The following WWOX variants were observed in gnomAD, a reference collection of about 807,000 sequenced individuals.
The protein encoded by WWOX is WW domain containing oxidoreductase.
Under a neutral mutation model 46.2 loss-of-function variants are expected in WWOX, and 69 were observed. The observed-to-expected ratio is 1.49, with a 90% confidence interval of 1.23 to 1.82. The LOEUF is 1.82. WWOX is among the 40% of genes most tolerant of loss of function. The pLI is 0.00. For synonymous variants in WWOX, 359 were observed against 202.6 expected (o/e 1.77, Z -6.56); for missense variants, 919 against 542.6 (o/e 1.69, Z -6.89).
chr16:78,147,534 C>A (rs1567598246), intron 4 of WWOX, among the ~76,000 whole-genome samples: 1 of 152,102 alleles, frequency 6.6e-6, no homozygotes, highest in Non-Finnish European at 1.5e-5. Flanking sequence ...TGAATTTTCC[C>A]AACATTGTGT....
At chr16:78,112,129 A>C (rs2032527131) in intron 3 of WWOX, 2 of 152,174 alleles carry the variant, frequency 1.3e-5, no homozygotes, top group African/African-American at 4.8e-5. Context: ...CGGGGAGAAC[A>C]CCCGCTAAGC....
At chr16:78,585,792 C>G (rs1344013551) in intron 8 of WWOX, among the ~76,000 whole-genome samples, 2 of 151,314 alleles carry the variant, frequency 1.3e-5, no homozygotes, top group Non-Finnish European at 2.9e-5. Context: ...GGGGCAGATT[C>G]CCGTATCATG....
chr16:78,530,088 G>A lies in WWOX; in HGVS notation c.1056+97336G>A, dbSNP rs376044500. ...ACCCCTTCTGGGAGGAAGCATGCAG[G>A]TGAGCAGGTGCAGGAGCCAGGGTAA... On this transcript the variant is annotated intron_variant, in intron 8 of 8. Transcript: ENST00000566780. 2.4e-4 allele frequency among the ~76,000 whole-genome samples: 37 copies of A among 152,290 alleles called. 1 individual carries two copies. Among genetic ancestry groups the A allele is most frequent in the African/African-American group, 1.7e-4 (7 of 41,566 alleles).
chr16:78,274,954 T>C (rs1478778253), intron 5 of WWOX, among the ~76,000 whole-genome samples: 1 of 152,174 alleles, frequency 6.6e-6, no homozygotes, highest in Non-Finnish European at 1.5e-5. Context: ...TTGGCTCGTT[T>C]TCAGTTTTTA....
chr16:78,483,778 G>A (rs2084558607), intron 8 of WWOX, among the ~76,000 whole-genome samples: 1 of 151,866 alleles, frequency 6.6e-6, no homozygotes, highest in South Asian at 2.1e-4. Flanking sequence ...TGGAAATCAA[G>A]GCTCTTCTTG....
At chr16:79,127,702 G>A (rs1311459541) in intron 8 of WWOX, among the ~76,000 whole-genome samples, 6 of 152,152 alleles carry the variant, frequency 3.9e-5, no homozygotes, top group African/African-American at 1.4e-4. Context: ...GCCCTCTACG[G>A]AGGTTGTTCT....
At chr16:78,466,016 T>C (rs1057451363) in intron 8 of WWOX, among the ~76,000 whole-genome samples, 8 of 147,490 alleles carry the variant, frequency 5.4e-5, no homozygotes, top group African/African-American at 2.1e-4. Context: ...AGTACAAGTT[T>C]CTTTAGTTTT....
chr16:78,491,243 C>T (rs12444091), intron 8 of WWOX, among the ~76,000 whole-genome samples: 16,261 of 152,236 alleles, frequency 0.11, 943 homozygotes, highest in African/African-American at 0.15. Flanking sequence ...CCCTCTCAGT[C>T]AGCTGCTACA....
At chr16:79,044,684 A>C (rs2048033861) in intron 8 of WWOX, among the ~76,000 whole-genome samples, 1 of 152,248 alleles carries the variant, frequency 6.6e-6, no homozygotes, top group Admixed American at 6.5e-5. Flanking sequence ...GTAATTCTTT[A>C]TAGCAATGCA....
At chr16:79,127,701 G>A (rs1301878843) in intron 8 of WWOX, among the ~76,000 whole-genome samples, 2 of 152,066 alleles carry the variant, frequency 1.3e-5, no homozygotes, top group Non-Finnish European at 2.9e-5. Context: ...TGCCCTCTAC[G>A]GAGGTTGTTC....
rs2047143900 is a variant in WWOX at position 79,003,976 on chromosome 16, TC to T, written c.1057-207629del. On this transcript the variant is annotated intron_variant, in intron 8 of 8. Transcript: ENST00000566780. ...TTGCCCTTCCCTTTGCCAAGAAAGT[TC>T]CCTGTACTCTGCAATGCTGAGTACT... Among the ~76,000 whole-genome samples, 4 of 152,256 alleles carry T rather than the reference TC, an allele frequency of 2.6e-5. No homozygotes were observed. The South Asian group carries it at 8.3e-4, about 32-fold the overall frequency.
intron 5 of WWOX, among the ~76,000 whole-genome samples, chr16:78,361,615 C>T (rs2081411519): frequency 6.6e-6 from 1 of 151,892 alleles, no homozygotes; most frequent in African/African-American, 2.4e-5. Context: ...TCTTTCTTTT[C>T]TTTTCTTTTT....
intron 8 of WWOX, among the ~76,000 whole-genome samples, chr16:79,027,353 T>C (rs1378775818): frequency 6.6e-6 from 1 of 151,478 alleles, no homozygotes; most frequent in Non-Finnish European, 1.5e-5. Context: ...GAACTTTTCA[T>C]TGCAAAATGA....
chr16:79,113,138 G>C (rs1294364321), intron 8 of WWOX, among the ~76,000 whole-genome samples: 2 of 152,218 alleles, frequency 1.3e-5, no homozygotes, highest in African/African-American at 4.8e-5. Flanking sequence ...ATTACACGTT[G>C]TGATAAGGGT....
chr16:78,185,643 T>G (rs1340881800), intron 5 of WWOX, among the ~76,000 whole-genome samples: 1 of 152,158 alleles, frequency 6.6e-6, no homozygotes, highest in East Asian at 1.9e-4. Flanking sequence ...GGCGCAATTA[T>G]GAAAAGCTCT....
At chr16:78,706,859 G>T (rs935563351) in intron 8 of WWOX, among the ~76,000 whole-genome samples, 2 of 151,898 alleles carry the variant, frequency 1.3e-5, no homozygotes, top group Non-Finnish European at 2.9e-5. Flanking sequence ...TGTAATTGAC[G>T]CAATCCTGGC....
chr16:79,023,035 T>C (rs2047565664), intron 8 of WWOX, among the ~76,000 whole-genome samples: 1 of 151,478 alleles, frequency 6.6e-6, no homozygotes, highest in Admixed American at 6.6e-5. Context: ...CTCACTGCTG[T>C]TGGCTTATTG....
At chr16:78,782,281 C>T (rs1039611870) in intron 8 of WWOX, among the ~76,000 whole-genome samples, 19 of 152,208 alleles carry the variant, frequency 1.2e-4, no homozygotes, top group African/African-American at 4.6e-4. Flanking sequence ...TCTTTACCTT[C>T]AGCTGCACGA....
intron 4 of WWOX, among the ~76,000 whole-genome samples, chr16:78,158,802 T>C (rs2034688323): frequency 6.6e-6 from 1 of 152,222 alleles, no homozygotes; most frequent in African/African-American, 2.4e-5. Context: ...GAGATAAGTA[T>C]ATACCTGTGA....
Sources: allele counts gnomAD v4.1 joint callset (sites outside exome capture counted in the v4.1 genomes callset), GRCh38; gene constraint gnomAD v4.1.1; transcripts MANE v1.5; gene names NCBI Gene and HGNC (gene_info 2026-07-23, HGNC 2026-07-21).